DYSF: variants seen among roughly 807,000 people sequenced by gnomAD.
DYSF encodes the protein dysferlin, also known as dystrophy-associated fer-1-like 1.
In DYSF, 212 loss-of-function variants were observed where a neutral mutation model predicts 274.9. That is an observed-to-expected ratio of 0.77 (90% CI 0.69 to 0.86). DYSF has a LOEUF of 0.86. Among genes scored for constraint, DYSF ranks in the 40% least tolerant of loss-of-function variants. The pLI, the probability that DYSF is intolerant of heterozygous loss-of-function variation, is 0.00. For missense variants in DYSF, 2,666 were observed against 2,783.2 expected, an observed-to-expected ratio of 0.96 and a Z score of 0.95; for synonymous variants, 1,091 against 1,078.7, an observed-to-expected ratio of 1.01 and a Z score of -0.22.
At chr2:71,618,389 G>GAGTGTGTT (rs1491103523) in intron 40 of DYSF, among the ~76,000 whole-genome samples, 2 of 7,538 alleles carry the variant, frequency 2.7e-4, no homozygotes, top group Non-Finnish European at 5.9e-4. Flanking sequence ...GGTAGAGGTG[G>GAGTGTGTT]TGTGTGTGTG....
intron 8 of DYSF, among the ~76,000 whole-genome samples, 184 bp downstream of exon 8, chr2:71,515,935 C>T (rs1016504639): frequency 5.3e-5 from 8 of 152,178 alleles, no homozygotes; most frequent in Non-Finnish European, 1.2e-4. Context: ...TCTTACTTCT[C>T]CTGCTGCTCC....
At chr2:71,499,385 G>A (rs1422493995) in intron 3 of DYSF, among the ~76,000 whole-genome samples, 1 of 152,178 alleles carries the variant, frequency 6.6e-6, no homozygotes, top group East Asian at 1.9e-4. Flanking sequence ...CGTCTATGAT[G>A]GACACGTGAA....
Position 71,479,359 on chromosome 2 carries a change from C to G in DYSF, c.92-1524C>G, listed in dbSNP as rs78140287. Among the ~76,000 whole-genome samples the G allele has an allele frequency of 2.3e-3, 349 of 151,972 alleles. 14 individuals carry two copies. In the East Asian group the frequency reaches 0.06, roughly 26 times the overall value. ...AGTGTCTTCATGGAAGACGTGTCTC[C>G]AGACCTACTGGGCTTAGTGGGGGAA... On this transcript the variant is annotated intron_variant, in intron 1 of 55. Coordinates refer to ENST00000410020, the MANE Select transcript of DYSF (RefSeq NM_001130987.2).
intron 40 of DYSF, among the ~76,000 whole-genome samples, chr2:71,618,434 GGT>G (rs1558640252): frequency 4.4e-5 from 2 of 45,702 alleles, no homozygotes; most frequent in East Asian, 1.4e-3. Context: ...GTAGAGGTGG[GGT>G]GTGTGTGGTA....
intron 39 of DYSF, 80 bp from the exon 40 acceptor site, chr2:71,613,254 T>C: frequency 7.6e-7 from 1 of 1,323,762 alleles, no homozygotes; most frequent in Non-Finnish European, 1.1e-6. Context: ...TCTTGGTCCC[T>C]TGGTTGAGCC....
intron 42 of DYSF, among the ~76,000 whole-genome samples, chr2:71,653,395 G>A (rs2152933905): frequency 6.6e-6 from 1 of 151,954 alleles, no homozygotes; most frequent in East Asian, 1.9e-4. Flanking sequence ...CAATAGCAAA[G>A]ACTTGGAACC....
intron 30 of DYSF, 45 bp from the exon 31 acceptor site, chr2:71,589,548 C>T (rs1048188257): frequency 8.3e-6 from 13 of 1,561,068 alleles, no homozygotes; most frequent in Non-Finnish European, 1.1e-5. Context: ...CTGCCACCCC[C>T]AGGCCTGGGG....
intron 13 of DYSF, 59 bp downstream of exon 13, chr2:71,526,405 T>TGGGGGGGGGGGGGGGGG: frequency 5.4e-6 from 2 of 370,356 alleles, no homozygotes; most frequent in African/African-American, 7.2e-5. Flanking sequence ...GCAGGGCTGG[T>TGGGGGGGGGGGGGGGGG]GGGGGTGGGC....
chr2:71,527,010 G>C (rs938898400), intron 13 of DYSF, among the ~76,000 whole-genome samples: 6 of 152,234 alleles, frequency 3.9e-5, no homozygotes, highest in Non-Finnish European at 1.5e-5. Flanking sequence ...AGACCCATCT[G>C]TGTGTTTAGT....
intron 16 of DYSF, among the ~76,000 whole-genome samples, chr2:71,536,582 G>A (rs1437941771): frequency 6.6e-6 from 1 of 152,244 alleles, no homozygotes; most frequent in Non-Finnish European, 1.5e-5. Context: ...GTGAGTGGGT[G>A]CGGTTGTCTC....
Position 71,454,031 on chromosome 2 carries a change from C to G in DYSF, c.33C>G (p.Asn11Lys), listed in dbSNP as rs760168438. The change falls in exon 1 of 55, where the codon AAC becomes AAG. Residue 11 changes from asparagine (N) to lysine (K), a missense_variant. By Grantham distance (94) the Asn-to-Lys change is moderately conservative (BLOSUM62 0). Coordinates refer to the DYSF transcript ENST00000258104. ...GGGTCTTCATCCTCTATGCCGAGAA[C>G]GTCCACACACCCGACACCGACATCA... The G allele has an allele frequency of 2.5e-6, 4 of 1,614,058 alleles. No homozygotes were observed. In the African/African-American group the frequency reaches 5.3e-5, roughly 22 times the overall value.
intron 55 of DYSF, 55 bp from the exon 56 acceptor site, chr2:71,686,399 G>T: frequency 3.1e-6 from 5 of 1,607,546 alleles, no homozygotes; most frequent in Non-Finnish European, 2.6e-6. Flanking sequence ...AGCTGCTCTG[G>T]CTGTGCCTGC....
chr2:71,512,445 T>C (rs2086197844), intron 5 of DYSF, among the ~76,000 whole-genome samples: 1 of 152,228 alleles, frequency 6.6e-6, no homozygotes, highest in African/African-American at 2.4e-5. Flanking sequence ...GACTTTGGGC[T>C]GATTACTTTC....
At chr2:71,545,184 C>T (rs1360080544) in intron 17 of DYSF, among the ~76,000 whole-genome samples, 1 of 152,152 alleles carries the variant, frequency 6.6e-6, no homozygotes, top group East Asian at 1.9e-4. Flanking sequence ...TGACATATTC[C>T]AAGGCCATGT....
intron 4 of DYSF, among the ~76,000 whole-genome samples, chr2:71,506,767 TCA>T (rs1371650601): frequency 2.0e-5 from 3 of 151,956 alleles, no homozygotes; most frequent in African/African-American, 7.3e-5. Flanking sequence ...CCAAAGAACT[TCA>T]GTATTCACCA....
Position 71,516,253 on chromosome 2 carries a change from G to A in DYSF, c.951+11G>A, listed in dbSNP as rs1559055404. The A allele has an allele frequency of 1.2e-6, 2 of 1,613,880 alleles. No homozygotes were observed. Among genetic ancestry groups the A allele is most frequent in the East Asian group, 2.2e-5 (1 of 44,880 alleles). On this transcript the variant is annotated intron_variant, in intron 9 of 55. Coordinates refer to ENST00000410020, the MANE Select transcript of DYSF (RefSeq NM_001130987.2). ...CCCATCTTTATCACGGTATGTCTCA[G>A]CAGTCAAAGTGTTCTCCGTGGGCTG...
chr2:71,540,132 G>A (rs2089793317), intron 17 of DYSF, among the ~76,000 whole-genome samples: 1 of 140,128 alleles, frequency 7.1e-6, no homozygotes, highest in Admixed American at 7.2e-5. Flanking sequence ...TTTTTTTTGA[G>A]ATGGAGTCTT....
intron 30 of DYSF, among the ~76,000 whole-genome samples, chr2:71,580,043 C>T (rs2092834154): frequency 6.6e-6 from 1 of 152,252 alleles, no homozygotes; most frequent in Admixed American, 6.5e-5. Flanking sequence ...GCAGCCAAAC[C>T]CCATCTGGCG....
intron 40 of DYSF, among the ~76,000 whole-genome samples, chr2:71,618,303 GT>G (rs2093972728): frequency 7.8e-5 from 8 of 102,574 alleles, no homozygotes; most frequent in South Asian, 3.5e-4. Flanking sequence ...TGTGGTAGAG[GT>G]GGTGTGTGTG....
Sources: allele counts gnomAD v4.1 joint callset (sites outside exome capture counted in the v4.1 genomes callset), GRCh38; gene constraint gnomAD v4.1.1; transcripts MANE v1.5; gene names NCBI Gene and HGNC (gene_info 2026-07-23, HGNC 2026-07-21).